Variants in NRG3 observed in about 807,000 individuals in gnomAD.
NRG3 encodes the protein pro-neuregulin-3, membrane-bound isoform.
Under a neutral mutation model 66.9 loss-of-function variants are expected in NRG3, and 31 were observed. The ratio of observed to expected loss-of-function variants is 0.46; its 90% CI spans 0.35 to 0.63. The LOEUF (loss-of-function observed/expected upper bound fraction) is 0.63. Among genes scored for constraint, NRG3 ranks in the 20% least tolerant of loss-of-function variants. The pLI, the probability that NRG3 is intolerant of heterozygous loss-of-function variation, is 0.00. For synonymous variants in NRG3, 393 were observed against 359.4 expected (o/e 1.09, Z -1.06); for missense variants, 910 against 878.9 (o/e 1.04, Z -0.45).
intron 1 of NRG3, among the ~76,000 whole-genome samples, chr10:82,208,337 G>A (rs1236290628): frequency 6.6e-6 from 1 of 152,030 alleles, no homozygotes; most frequent in African/African-American, 2.4e-5. Context: ...GTAATCAAAT[G>A]TTTTATATTA....
Position 81,896,747 on chromosome 10 carries a change from T to C in NRG3, c.823+20584T>C, listed in dbSNP as rs572131740. ...GGGGAATGAAGGTATTCAGATAAGT[T>C]AATTACATGAACAAGCATGCCTGAT... is the stretch of plus-strand genomic sequence containing the variant. On this transcript the variant is annotated intron_variant, in intron 1 of 8. Coordinates refer to ENST00000372141, the MANE Select transcript of NRG3 (RefSeq NM_001010848.4). 3.3e-5 allele frequency among the ~76,000 whole-genome samples: 5 copies of C among 152,168 alleles called. No individual in the cohort carries two copies. In the East Asian group the frequency reaches 9.7e-4, roughly 30 times the overall value.
At chr10:82,893,359 A>G (rs1053768108) in intron 4 of NRG3, among the ~76,000 whole-genome samples, 2 of 152,224 alleles carry the variant, frequency 1.3e-5, no homozygotes, top group African/African-American at 4.8e-5. Context: ...TCTTAGAACT[A>G]GAAGTAATGA....
At chr10:82,269,400 G>A (rs2078475916) in intron 1 of NRG3, among the ~76,000 whole-genome samples, 1 of 152,060 alleles carries the variant, frequency 6.6e-6, no homozygotes, top group Admixed American at 6.6e-5. Flanking sequence ...AGTCTTTGGA[G>A]AGTTTCTCTT....
At chr10:82,397,824 C>A (rs2086807928) in intron 2 of NRG3, among the ~76,000 whole-genome samples, 1 of 152,084 alleles carries the variant, frequency 6.6e-6, no homozygotes. Context: ...ATCTTTCAGA[C>A]GTTTAATGAG....
At chr10:82,267,495 C>A (rs1020080794) in intron 1 of NRG3, among the ~76,000 whole-genome samples, 1 of 152,152 alleles carries the variant, frequency 6.6e-6, no homozygotes, top group African/African-American at 2.4e-5. Flanking sequence ...GACTGGATCT[C>A]CCTTCCAGGT....
intron 1 of NRG3, among the ~76,000 whole-genome samples, chr10:82,041,606 GT>G (rs1262746182): frequency 6.6e-6 from 1 of 152,014 alleles, no homozygotes; most frequent in African/African-American, 2.4e-5. Flanking sequence ...ATCAGAGGTT[GT>G]TTTTGCTTTG....
At chr10:82,270,391 T>C (rs2078529806) in intron 1 of NRG3, among the ~76,000 whole-genome samples, 1 of 152,156 alleles carries the variant, frequency 6.6e-6, no homozygotes, top group Non-Finnish European at 1.5e-5. Context: ...GCTTAGAAAG[T>C]GAATGTTGAG....
intron 1 of NRG3, among the ~76,000 whole-genome samples, chr10:82,222,596 AC>A (rs551936184): frequency 1.5e-3 from 226 of 149,842 alleles, no homozygotes; most frequent in African/African-American, 5.0e-3. Context: ...ACCAATTACT[AC>A]CTTCAGATCA....
chr10:82,566,891 T>C (rs537823549), intron 2 of NRG3, among the ~76,000 whole-genome samples: 9 of 152,188 alleles, frequency 5.9e-5, no homozygotes, highest in African/African-American at 2.2e-4. Context: ...TGATGTTGTT[T>C]TGCTCTGCTG....
intron 3 of NRG3, among the ~76,000 whole-genome samples, chr10:82,799,403 G>A (rs938968213): frequency 6.6e-6 from 1 of 151,700 alleles, no homozygotes; most frequent in Non-Finnish European, 1.5e-5. Context: ...GCTTGTACCA[G>A]TAATCCCAGC....
chr10:82,122,881 T>A (rs1442298828), intron 1 of NRG3, among the ~76,000 whole-genome samples: 2 of 152,162 alleles, frequency 1.3e-5, no homozygotes, highest in Non-Finnish European at 1.5e-5. Flanking sequence ...TGATGTCCGC[T>A]GTCATTATAA....
At chr10:82,061,847 T>C (rs1394200299) in intron 1 of NRG3, among the ~76,000 whole-genome samples, 1 of 148,444 alleles carries the variant, frequency 6.7e-6, no homozygotes, top group Non-Finnish European at 1.5e-5. Flanking sequence ...TCCCTTTCTC[T>C]CTCTCTCTCT....
At chr10:82,049,215 G>T (rs1303820021) in intron 1 of NRG3, among the ~76,000 whole-genome samples, 3 of 151,974 alleles carry the variant, frequency 2.0e-5, no homozygotes, top group Non-Finnish European at 4.4e-5. Context: ...TTCAAGTAAG[G>T]CTTTGATAAT....
intron 2 of NRG3, among the ~76,000 whole-genome samples, chr10:82,552,430 T>A (rs956234234): frequency 2.6e-5 from 4 of 152,184 alleles, no homozygotes; most frequent in African/African-American, 9.6e-5. Flanking sequence ...GCTAAAATTG[T>A]CTCTTATTTG....
chr10:82,870,413 A>G (rs930447019), intron 4 of NRG3, among the ~76,000 whole-genome samples: 2 of 152,198 alleles, frequency 1.3e-5, no homozygotes, highest in African/African-American at 2.4e-5. Flanking sequence ...AGGCTTTTGT[A>G]TAGAAATAAA....
chr10:82,801,429 T>C (rs1256938900), intron 3 of NRG3, among the ~76,000 whole-genome samples: 1 of 152,068 alleles, frequency 6.6e-6, no homozygotes, highest in Non-Finnish European at 1.5e-5. Flanking sequence ...CTTCAAAAAA[T>C]GAGCTGACAC....
intron 1 of NRG3, among the ~76,000 whole-genome samples, chr10:82,064,027 A>G (rs574274098): frequency 2.6e-5 from 4 of 152,214 alleles, no homozygotes; most frequent in Non-Finnish European, 5.9e-5. Context: ...ATTTTTTCTC[A>G]TGGTGACAGT....
At chr10:82,761,922 C>CTTTCTT (rs1555028704) in intron 3 of NRG3, among the ~76,000 whole-genome samples, 194 of 123,852 alleles carry the variant, frequency 1.6e-3, no homozygotes, top group African/African-American at 3.2e-3. Context: ...TTCTTTCTTT[C>CTTTCTT]TCTTTCTTTC....
intron 1 of NRG3, among the ~76,000 whole-genome samples, chr10:82,073,154 T>C (rs74479927): frequency 0.02 from 3,019 of 152,206 alleles, 96 homozygotes; most frequent in African/African-American, 0.069. Flanking sequence ...TGTGAAATTT[T>C]GTTTTTCCTA....
Sources: allele counts gnomAD v4.1 joint callset (sites outside exome capture counted in the v4.1 genomes callset), GRCh38; gene constraint gnomAD v4.1.1; transcripts MANE v1.5; gene names NCBI Gene and HGNC (gene_info 2026-07-23, HGNC 2026-07-21).